MAGI1: variants seen among roughly 807,000 people sequenced by gnomAD.
The protein encoded by MAGI1 is membrane-associated guanylate kinase, WW and PDZ domain-containing protein 1.
In MAGI1, 58 loss-of-function variants were observed where a neutral mutation model predicts 139.9. The observed-to-expected ratio is 0.41, with a 90% CI of 0.34 to 0.52. MAGI1 has a LOEUF of 0.52. Among genes scored for constraint, MAGI1 ranks in the 20% least tolerant of loss-of-function variants. MAGI1 has a pLI of 0.12. For missense variants in MAGI1, 1,874 were observed against 1,901.6 expected (o/e 0.99, Z 0.27); for synonymous variants, 812 against 737.9 (o/e 1.10, Z -1.63).
At chr3:65,440,035 T>C (rs1407751225) in intron 8 of MAGI1, 23 bp from the exon 9 acceptor site, 2 of 1,613,698 alleles carry the variant, frequency 1.2e-6, no homozygotes, top group Admixed American at 1.7e-5. Context: ...GCAAATAGTA[T>C]TCAGCTTGAA....
At chr3:65,981,317 T>A (rs2065569298) in intron 1 of MAGI1, among the ~76,000 whole-genome samples, 1 of 152,204 alleles carries the variant, frequency 6.6e-6, no homozygotes, top group Admixed American at 6.5e-5. Flanking sequence ...TGGACAGTAC[T>A]GCTTTAGCAA....
At chr3:65,933,071 T>A (rs2106750454) in intron 1 of MAGI1, among the ~76,000 whole-genome samples, 1 of 152,356 alleles carries the variant, frequency 6.6e-6, no homozygotes, top group African/African-American at 2.4e-5. Context: ...TATACTTGTT[T>A]CAATAAGTAT....
At chr3:65,616,468 T>C (rs377444467) in intron 2 of MAGI1, among the ~76,000 whole-genome samples, 1 of 152,086 alleles carries the variant, frequency 6.6e-6, no homozygotes, top group East Asian at 1.9e-4. Flanking sequence ...AAGTTAGAGA[T>C]GACATGATAG....
At chr3:65,555,116 C>T (rs2080023828) in intron 2 of MAGI1, among the ~76,000 whole-genome samples, 2 of 152,290 alleles carry the variant, frequency 1.3e-5, no homozygotes, top group South Asian at 4.1e-4. Flanking sequence ...ATTTTTGTAA[C>T]TTTTCTCTAA....
chr3:65,380,585 A>G (rs1228325106), intron 16 of MAGI1, among the ~76,000 whole-genome samples: 1 of 152,182 alleles, frequency 6.6e-6, no homozygotes, highest in Admixed American at 6.5e-5. Flanking sequence ...TAGGTATCTC[A>G]TATAAAGGGA....
intron 2 of MAGI1, among the ~76,000 whole-genome samples, chr3:65,612,486 T>C (rs1381939031): frequency 6.6e-6 from 1 of 152,170 alleles, no homozygotes; most frequent in African/African-American, 2.4e-5. Flanking sequence ...GATGTGTTAT[T>C]GGTTAATTTT....
intron 1 of MAGI1, among the ~76,000 whole-genome samples, chr3:65,692,415 C>A (rs1457001828): frequency 6.6e-6 from 1 of 152,110 alleles, no homozygotes; most frequent in African/African-American, 2.4e-5. Context: ...AACTGTGCCT[C>A]CCTGCCAACC....
At chr3:65,487,641 G>A (rs1951712369) in intron 3 of MAGI1, among the ~76,000 whole-genome samples, 2 of 152,168 alleles carry the variant, frequency 1.3e-5, no homozygotes, top group Non-Finnish European at 2.9e-5. Flanking sequence ...AATTCTGAAG[G>A]TTACTGGGCC....
intron 1 of MAGI1, among the ~76,000 whole-genome samples, chr3:65,937,756 T>G (rs922429868): frequency 6.6e-6 from 1 of 151,900 alleles, no homozygotes; most frequent in Non-Finnish European, 1.5e-5. Flanking sequence ...ACAGTAAGGT[T>G]TGACACCAAA....
intron 1 of MAGI1, among the ~76,000 whole-genome samples, chr3:65,877,893 G>C (rs1255589783): frequency 6.6e-6 from 1 of 152,092 alleles, no homozygotes; most frequent in Admixed American, 6.6e-5. Context: ...GACTGCTTGA[G>C]CCCAGGACTT....
At chr3:65,599,565 C>A (rs1019468255) in intron 2 of MAGI1, among the ~76,000 whole-genome samples, 2 of 152,096 alleles carry the variant, frequency 1.3e-5, no homozygotes, top group Non-Finnish European at 1.5e-5. Context: ...TGCCTGTTTC[C>A]CCTGGTGTAC....
chr3:65,465,001 A>G (rs908133173), intron 5 of MAGI1, among the ~76,000 whole-genome samples: 4 of 148,094 alleles, frequency 2.7e-5, no homozygotes, highest in African/African-American at 9.8e-5. Flanking sequence ...ATATATATAT[A>G]TAATCTATAA....
chr3:65,537,191 G>C (rs1413425581), intron 2 of MAGI1, among the ~76,000 whole-genome samples: 1 of 152,048 alleles, frequency 6.6e-6, no homozygotes, highest in Non-Finnish European at 1.5e-5. Context: ...TACACTGTCC[G>C]TGAATAGATC....
intron 1 of MAGI1, among the ~76,000 whole-genome samples, chr3:65,932,165 C>G (rs909474818): frequency 1.3e-5 from 2 of 152,204 alleles, no homozygotes; most frequent in African/African-American, 4.8e-5. Context: ...TGAACTTGCA[C>G]TCTTCTGATA....
At chr3:65,612,011 TATGTGCACA>T (rs2106948699) in intron 2 of MAGI1, among the ~76,000 whole-genome samples, 1 of 152,180 alleles carries the variant, frequency 6.6e-6, no homozygotes, top group South Asian at 2.1e-4. Flanking sequence ...CTTGTTTTAA[TATGTGCACA>T]ATATCTTTCA....
At chr3:65,835,105 T>G (rs1175133585) in intron 1 of MAGI1, among the ~76,000 whole-genome samples, 1 of 152,258 alleles carries the variant, frequency 6.6e-6, no homozygotes, top group Non-Finnish European at 1.5e-5. Flanking sequence ...GTGTTAGGTC[T>G]TAAGGTTTTT....
At chr3:65,785,241 G>C (rs2649191) in intron 1 of MAGI1, among the ~76,000 whole-genome samples, 41,193 of 152,034 alleles carry the variant, frequency 0.27, 5,872 homozygotes, top group South Asian at 0.4. Flanking sequence ...TGTAGGAGAA[G>C]CATATATAAC....
intron 1 of MAGI1, among the ~76,000 whole-genome samples, chr3:66,005,242 C>A (rs1441403988): frequency 6.6e-6 from 1 of 152,144 alleles, no homozygotes; most frequent in African/African-American, 2.4e-5. Flanking sequence ...AGACCACAGT[C>A]TTCAATAATG....
intron 1 of MAGI1, among the ~76,000 whole-genome samples, chr3:65,998,287 C>A (rs933185973): frequency 6.6e-5 from 10 of 152,136 alleles, no homozygotes; most frequent in African/African-American, 2.4e-4. Flanking sequence ...GAATGAGACA[C>A]ATACAGCACA....
Sources: allele counts gnomAD v4.1 joint callset (sites outside exome capture counted in the v4.1 genomes callset), GRCh38; gene constraint gnomAD v4.1.1; transcripts MANE v1.5; gene names NCBI Gene and HGNC (gene_info 2026-07-23, HGNC 2026-07-21).